MME: variants seen among roughly 807,000 people sequenced by gnomAD.
MME encodes neprilysin.
In MME, 98 loss-of-function variants were observed where a neutral mutation model predicts 113.2. That is an observed-to-expected ratio of 0.87 (90% CI 0.74 to 1.02). MME has a LOEUF of 1.02. Among genes scored for constraint, MME ranks in the 50% least tolerant of loss-of-function variants. The pLI, the probability that MME is intolerant of heterozygous loss-of-function variation, is 0.00. For synonymous variants in MME, 292 were observed against 300.6 expected (o/e 0.97, Z 0.30); for missense variants, 836 against 896.0 (o/e 0.93, Z 0.86).
At chr3:155,036,381 T>G (rs1026642988) in intron 1 of MME, among the ~76,000 whole-genome samples, 2 of 152,194 alleles carry the variant, frequency 1.3e-5, no homozygotes, top group Non-Finnish European at 2.9e-5. Context: ...ATATAGAGTT[T>G]TTTTTATTAA....
chr3:155,151,009 T>C (rs948680045), intron 16 of MME, among the ~76,000 whole-genome samples: 2 of 152,074 alleles, frequency 1.3e-5, no homozygotes, highest in African/African-American at 4.8e-5. Context: ...TGGCTGGACA[T>C]GGTGGCTCAG....
In MME at chr3:155,171,558, A is replaced by T. The variant is rs551826322; in HGVS notation, c.1981-559A>T. On this transcript the variant is annotated intron_variant, in intron 20 of 22. Transcript: ENST00000360490. ...TACCTAAATATTTTCCTTCAAATGT[A>T]CCTGAGGCTCAGTCCATTTTGTCCT... Among the ~76,000 whole-genome samples, 165 of 152,320 alleles carry T rather than the reference A, an allele frequency of 1.1e-3. 1 individual carries two copies. Among genetic ancestry groups the T allele is most frequent in the African/African-American group, 3.8e-3 (160 of 41,566 alleles).
chr3:155,068,202 T>C (rs1031450481), intron 1 of MME, among the ~76,000 whole-genome samples: 1 of 152,194 alleles, frequency 6.6e-6, no homozygotes, highest in Non-Finnish European at 1.5e-5. Flanking sequence ...TACATCTATA[T>C]AAAATTCTAG....
chr3:155,104,062 A>G (rs539511532), intron 3 of MME, among the ~76,000 whole-genome samples: 1 of 152,322 alleles, frequency 6.6e-6, no homozygotes, highest in South Asian at 2.1e-4. Flanking sequence ...ATCTAGATAT[A>G]GTTACCATCT....
chr3:155,118,554 C>A (rs1576606467), intron 7 of MME, among the ~76,000 whole-genome samples, 192 bp from the exon 8 acceptor site: 1 of 152,166 alleles, frequency 6.6e-6, no homozygotes, highest in African/African-American at 2.4e-5. Flanking sequence ...GATTATCTAA[C>A]TGCCCGTTAG....
intron 1 of MME, among the ~76,000 whole-genome samples, chr3:155,044,483 G>A (rs1229139883): frequency 6.6e-6 from 1 of 151,830 alleles, no homozygotes; most frequent in East Asian, 1.9e-4. Flanking sequence ...CTTCTTTACT[G>A]TTGAGAAAGA....
At chr3:155,135,983 A>G (rs1347509585) in intron 8 of MME, among the ~76,000 whole-genome samples, 1 of 152,172 alleles carries the variant, frequency 6.6e-6, no homozygotes, top group East Asian at 1.9e-4. Flanking sequence ...ATTTTTATTC[A>G]TGGATTTTGT....
chr3:155,148,255 A>AT (rs906865163), intron 15 of MME, among the ~76,000 whole-genome samples: 3 of 152,164 alleles, frequency 2.0e-5, no homozygotes, highest in Non-Finnish European at 4.4e-5. Context: ...AGAATGTGCT[A>AT]TTATCCACAT....
At chr3:155,069,068 G>A (rs1714472164) in intron 1 of MME, among the ~76,000 whole-genome samples, 1 of 152,176 alleles carries the variant, frequency 6.6e-6, no homozygotes, top group Admixed American at 6.5e-5. Context: ...GGTTTCACGA[G>A]AGCATGGGTT....
At chr3:155,104,104 C>T (rs1717488755) in intron 3 of MME, among the ~76,000 whole-genome samples, 1 of 152,042 alleles carries the variant, frequency 6.6e-6, no homozygotes, top group South Asian at 2.1e-4. Context: ...AAGAAATGGT[C>T]TTGTTTAAGA....
At chr3:155,129,987 T>G (rs1457815730) in intron 8 of MME, among the ~76,000 whole-genome samples, 4 of 136,132 alleles carry the variant, frequency 2.9e-5, no homozygotes, top group Non-Finnish European at 6.7e-5. Flanking sequence ...GAGTCTGAAC[T>G]CTGTATTGGG....
chr3:155,089,482 A>G (rs28417610), intron 3 of MME, among the ~76,000 whole-genome samples: 47,281 of 152,062 alleles, frequency 0.31, 8,158 homozygotes, highest in Non-Finnish European at 0.41. Context: ...GCCTCTACCA[A>G]CTAGATGTCC....
chr3:155,172,761 G>T, intron 22 of MME, 149 bp downstream of exon 22: 1 of 668,136 alleles, frequency 1.5e-6, no homozygotes, highest in Non-Finnish European at 2.7e-6. Flanking sequence ...AGGATCGAGA[G>T]AACACATCGG....
At chr3:155,029,319 A>C (rs1249066453) in intron 1 of MME, among the ~76,000 whole-genome samples, 1 of 152,106 alleles carries the variant, frequency 6.6e-6, no homozygotes, top group African/African-American at 2.4e-5. Flanking sequence ...ACCTTTTATA[A>C]CTTCTTAAAA....
Position 155,180,515 on chromosome 3 carries a change from G to A in MME, c.*56G>A. On this transcript the variant is annotated 3_prime_UTR_variant, in exon 23 of 23. Transcript: ENST00000360490. ...AGACTTGCCAACACCACAGAAATGG[G>A]GAATTCTCTAATCGAAAGAAAATGG... is the stretch of plus-strand genomic sequence containing the variant. 3.6e-6 allele frequency: 5 copies of A among 1,372,238 alleles called. No homozygotes were observed. The African/African-American group carries it at 4.3e-5, about 12-fold the overall frequency. 85.0% of individuals were successfully genotyped at this position (1,372,238 alleles called of 1,614,324 possible). A position where few individuals can be genotyped will look rare whatever the true frequency, so the allele number is the denominator to read the frequency against.
Position 155,106,812 on chromosome 3 carries a change from C to T in MME, c.197-8182C>T, listed in dbSNP as rs3773898. Among the ~76,000 whole-genome samples the T allele has an allele frequency of 4.6e-5, 7 of 152,196 alleles. No individual in the cohort carries two copies. The South Asian group carries it at 1.0e-3, about 23-fold the overall frequency. On this transcript the variant is annotated intron_variant, in intron 3 of 22. Transcript: ENST00000360490. ...AAGCAAGGATTTACAACAGAAGGTTCGGTCAGAAATGGGTGTCCTAAGGTC... is the reference window on the plus strand; with the variant it reads ...AAGCAAGGATTTACAACAGAAGGTTTGGTCAGAAATGGGTGTCCTAAGGTC...
At position 155,063,861 on chromosome 3, in the gene MME, G is replaced by A. The variant is rs191575138; in HGVS notation, c.-10-20297G>A. ...AAGCTGTTATGAACTGAACTGTTTT[G>A]CCCTCAAATTCATATGTTGAAGCCC... is the stretch of plus-strand genomic sequence containing the variant. On this transcript the variant is annotated intron_variant, in intron 1 of 22. Transcript: ENST00000492661. Among the ~76,000 whole-genome samples, 341 of 150,982 alleles carry A rather than the reference G, an allele frequency of 2.3e-3. 2 individuals carry two copies. Among genetic ancestry groups the A allele is most frequent in the Non-Finnish European group, 3.7e-3 (250 of 67,890 alleles).
intron 1 of MME, among the ~76,000 whole-genome samples, chr3:155,055,968 T>TTA (rs1264513926): frequency 6.6e-6 from 1 of 152,138 alleles, no homozygotes; most frequent in Non-Finnish European, 1.5e-5. Context: ...TGTTTTTACT[T>TTA]TAACTGCTCT....
intron 3 of MME, chr3:155,089,843 C>T: frequency 2.2e-6 from 1 of 453,032 alleles, no homozygotes; most frequent in Non-Finnish European, 4.4e-6. Context: ...GGCATGGTAG[C>T]ACGCGCCTAT....
Sources: allele counts gnomAD v4.1 joint callset (sites outside exome capture counted in the v4.1 genomes callset), GRCh38; gene constraint gnomAD v4.1.1; transcripts MANE v1.5; gene names NCBI Gene and HGNC (gene_info 2026-07-23, HGNC 2026-07-21).